Variants in P3H2 observed in about 807,000 individuals in gnomAD.
The protein encoded by P3H2 is prolyl 3-hydroxylase 2.
In P3H2, 80 loss-of-function variants were observed where a neutral mutation model predicts 87.0. That is an observed-to-expected ratio of 0.92 (90% CI 0.77 to 1.11). The LOEUF (loss-of-function observed/expected upper bound fraction) is 1.11. Among genes scored for constraint, P3H2 ranks in the 50% least tolerant of loss-of-function variants. P3H2 has a pLI of 0.00. For synonymous variants in P3H2, 367 were observed against 359.3 expected (o/e 1.02, Z -0.24); for missense variants, 1,001 against 923.9 (o/e 1.08, Z -1.08).
chr3:190,064,060 T>C (rs1421553837), intron 1 of P3H2, among the ~76,000 whole-genome samples: 1 of 148,288 alleles, frequency 6.7e-6, no homozygotes, highest in Non-Finnish European at 1.5e-5. Context: ...AGGGCAATCA[T>C]AGCTCACTGT....
intron 1 of P3H2, among the ~76,000 whole-genome samples, chr3:189,996,937 C>T (rs1724068463): frequency 6.6e-6 from 1 of 152,198 alleles, no homozygotes; most frequent in African/African-American, 2.4e-5. Flanking sequence ...TGCCAACTGT[C>T]TCCTAAACCA....
intron 1 of P3H2, among the ~76,000 whole-genome samples, chr3:190,072,177 C>CA (rs1270608981): frequency 6.6e-6 from 1 of 152,000 alleles, no homozygotes; most frequent in Non-Finnish European, 1.5e-5. Context: ...AGGCATGTGC[C>CA]ACCACGCTTG....
At chr3:189,969,940 C>T in intron 13 of P3H2, 1 of 733,696 alleles carries the variant, frequency 1.4e-6, no homozygotes. Context: ...CGGCAGCAGT[C>T]GAAAATATAT....
intron 1 of P3H2, among the ~76,000 whole-genome samples, chr3:190,106,822 G>T (rs945275421): frequency 7.2e-5 from 11 of 152,094 alleles, no homozygotes; most frequent in Non-Finnish European, 1.5e-4. Context: ...TAATCTTTCA[G>T]GCTTCAGTAT....
intron 1 of P3H2, among the ~76,000 whole-genome samples, chr3:190,060,248 C>T (rs770570117): frequency 1.3e-4 from 20 of 152,046 alleles, no homozygotes; most frequent in Non-Finnish European, 2.8e-4. Context: ...CAGAAAAATA[C>T]AACATTTGCC....
intron 1 of P3H2, among the ~76,000 whole-genome samples, chr3:190,032,248 AT>A (rs967227162): frequency 9.2e-4 from 140 of 151,730 alleles, no homozygotes; most frequent in African/African-American, 3.2e-3. Context: ...ACAGAGAAAT[AT>A]TTTTTTTTCA....
At chr3:190,071,634 G>T (rs1337675503) in intron 1 of P3H2, among the ~76,000 whole-genome samples, 1 of 152,060 alleles carries the variant, frequency 6.6e-6, no homozygotes, top group Non-Finnish European at 1.5e-5. Flanking sequence ...GCTATTCATG[G>T]GTTTTTCCTA....
chr3:189,995,051 A>T (rs2108924533), intron 2 of P3H2, among the ~76,000 whole-genome samples: 2 of 152,118 alleles, frequency 1.3e-5, no homozygotes, highest in South Asian at 4.1e-4. Flanking sequence ...CTTAATTTAA[A>T]AATTTTTAAT....
At chr3:190,029,298 CA>C (rs1560369382) in intron 1 of P3H2, among the ~76,000 whole-genome samples, 1 of 152,180 alleles carries the variant, frequency 6.6e-6, no homozygotes, top group Non-Finnish European at 1.5e-5. Flanking sequence ...CTGGTAATTA[CA>C]AAGAAGATTT....
intron 1 of P3H2, among the ~76,000 whole-genome samples, chr3:190,023,209 A>G (rs1724985731): frequency 6.6e-6 from 1 of 152,214 alleles, no homozygotes; most frequent in Non-Finnish European, 1.5e-5. Flanking sequence ...CTGCTGTAAG[A>G]AATGGTGAAA....
chr3:190,014,972 T>C (rs1457175156), intron 1 of P3H2, among the ~76,000 whole-genome samples: 1 of 152,192 alleles, frequency 6.6e-6, no homozygotes, highest in African/African-American at 2.4e-5. Context: ...AATCTGCTGC[T>C]TCATCTGTAA....
In P3H2 at chr3:190,120,794, G is replaced by A; in HGVS notation, c.-63C>T. The A allele has an allele frequency of 1.3e-6, 2 of 1,496,330 alleles. No individual in the cohort carries two copies. The highest frequency in any genetic ancestry group is 1.8e-6 in the Non-Finnish European group (2 of 1,127,958). 92.7% of individuals were successfully genotyped at this position (1,496,330 alleles called of 1,614,324 possible). On this transcript the variant is annotated 5_prime_UTR_variant, in exon 1 of 15. Transcript: ENST00000319332. ...GAGGGCTTCGGGGCACCTCGCGTCC[G>A]GGTCCCCTCTCCCACCTTCCCTCGG...
At chr3:190,117,260 C>G (rs1196010492) in intron 1 of P3H2, among the ~76,000 whole-genome samples, 1 of 152,200 alleles carries the variant, frequency 6.6e-6, no homozygotes, top group Non-Finnish European at 1.5e-5. Flanking sequence ...CATTGGGTCT[C>G]AGATTTCATG....
At chr3:189,984,227 T>G (rs910942907) in intron 7 of P3H2, among the ~76,000 whole-genome samples, 7 of 152,166 alleles carry the variant, frequency 4.6e-5, no homozygotes, top group Non-Finnish European at 1.0e-4. Flanking sequence ...CATTTCACAG[T>G]TTTTCTGTTA....
At chr3:189,981,323 G>T (rs923665188) in intron 8 of P3H2, among the ~76,000 whole-genome samples, 1 of 152,092 alleles carries the variant, frequency 6.6e-6, no homozygotes. Flanking sequence ...TTAACCTGTG[G>T]GATCTGACAC....
intron 14 of P3H2, among the ~76,000 whole-genome samples, chr3:189,961,469 G>A (rs1005736962): frequency 1.3e-5 from 2 of 152,068 alleles, no homozygotes; most frequent in East Asian, 3.9e-4. Flanking sequence ...ATGAGAATCG[G>A]CCAGCTCTAA....
At chr3:190,023,062 A>G (rs1027362648) in intron 1 of P3H2, among the ~76,000 whole-genome samples, 10 of 151,914 alleles carry the variant, frequency 6.6e-5, no homozygotes, top group East Asian at 3.9e-4. Context: ...TCCTGACCTC[A>G]CGATCCGCCC....
At chr3:190,084,765 A>AC (rs1183413126) in intron 1 of P3H2, among the ~76,000 whole-genome samples, 1 of 152,200 alleles carries the variant, frequency 6.6e-6, no homozygotes, top group African/African-American at 2.4e-5. Flanking sequence ...GTTAACACAG[A>AC]CCTTAGTACA....
At chr3:189,969,435 T>C in intron 13 of P3H2, 2 of 828,202 alleles carry the variant, frequency 2.4e-6, no homozygotes, top group East Asian at 4.8e-5. Flanking sequence ...TTTGGGGGCT[T>C]GGCCCCCATT....
Sources: gnomAD v4.1 joint callset for allele counts (sites outside exome capture counted in the v4.1 genomes callset) on GRCh38, gnomAD v4.1.1 for gene constraint, MANE v1.5 for transcripts, NCBI Gene and HGNC (gene_info 2026-07-23, HGNC 2026-07-21) for gene names.